ABL1: variants seen among roughly 807,000 people sequenced by gnomAD.
ABL1 encodes tyrosine-protein kinase ABL1.
ABL1 carries 11 observed loss-of-function variants against 94.7 expected under a neutral mutation model. That is an observed-to-expected ratio of 0.12 (90% CI 0.07 to 0.19). ABL1 has a LOEUF of 0.19. ABL1 is among the 10% of genes least tolerant of loss of function. ABL1 has a pLI of 1.00. For synonymous variants in ABL1, 656 were observed against 622.4 expected, an observed-to-expected ratio of 1.05 and a Z score of -0.80; for missense variants, 1,082 against 1,489.4, an observed-to-expected ratio of 0.73 and a Z score of 4.50.
intron 1 of ABL1, among the ~76,000 whole-genome samples, chr9:130,821,840 ATTTTTTT>A (rs71389365): frequency 8.2e-5 from 9 of 109,964 alleles, no homozygotes; most frequent in African/African-American, 3.0e-4. Context: ...TATTATTATT[ATTTTTTT>A]TTTTTTTTTT....
At chr9:130,834,049 G>A (rs1379062226), upstream of ABL1, 2 of 456,126 alleles carry the variant, frequency 4.4e-6, no homozygotes, top group Admixed American at 4.7e-5. Flanking sequence ...CCTGGGTTGA[G>A]TCCATCTCCG....
At chr9:130,744,054 T>A (rs1454468306) in intron 1 of ABL1, among the ~76,000 whole-genome samples, 1 of 152,140 alleles carries the variant, frequency 6.6e-6, no homozygotes, top group Non-Finnish European at 1.5e-5. Flanking sequence ...ATTTTAGTAC[T>A]GGTAACATTT....
chr9:130,830,249 C>T (rs1830478524), intron 1 of ABL1, among the ~76,000 whole-genome samples: 1 of 152,162 alleles, frequency 6.6e-6, no homozygotes, highest in African/African-American at 2.4e-5. Context: ...TTCTAGAAAG[C>T]GGATTTACTC....
intron 1 of ABL1, among the ~76,000 whole-genome samples, chr9:130,843,391 A>G (rs1009851848): frequency 6.6e-6 from 1 of 152,186 alleles, no homozygotes; most frequent in African/African-American, 2.4e-5. Context: ...GGATTCATTG[A>G]GCCCTCCCGA....
chr9:130,856,879 G>C (rs936127274), intron 3 of ABL1, among the ~76,000 whole-genome samples: 38 of 152,184 alleles, frequency 2.5e-4, no homozygotes, highest in African/African-American at 9.2e-4. Context: ...TCCCCTGCTG[G>C]TTGACTTTTA....
At chr9:130,766,246 T>A (rs1208915569) in intron 1 of ABL1, among the ~76,000 whole-genome samples, 1 of 152,216 alleles carries the variant, frequency 6.6e-6, no homozygotes, top group Non-Finnish European at 1.5e-5. Flanking sequence ...GGCATGCGGA[T>A]GACTGGAGCC....
chr9:130,769,924 T>C lies in ABL1; in HGVS notation c.136+55469T>C, dbSNP rs530469469. 1.9e-4 allele frequency among the ~76,000 whole-genome samples: 29 copies of C among 152,316 alleles called. No homozygotes were observed. The South Asian group carries it at 5.4e-3, about 28-fold the overall frequency. ...GTTTTGCCTTTTCCAGAATGTCATA[T>C]CAATGGAATAGTACAGTCTGAAGCC... is the stretch of plus-strand genomic sequence containing the variant. On this transcript the variant is annotated intron_variant, in intron 1 of 10. Transcript: ENST00000372348.
At chr9:130,790,483 T>TTATC (rs1179896620) in intron 1 of ABL1, among the ~76,000 whole-genome samples, 2 of 151,558 alleles carry the variant, frequency 1.3e-5, no homozygotes, top group Non-Finnish European at 2.9e-5. Context: ...ATTTATTTAT[T>TTATC]TATTTATTTA....
intron 1 of ABL1, among the ~76,000 whole-genome samples, chr9:130,845,694 G>T (rs910436787): frequency 7.9e-5 from 12 of 152,054 alleles, no homozygotes; most frequent in Non-Finnish European, 1.8e-4. Flanking sequence ...TTTAATGTGC[G>T]AATAAAGAGA....
At chr9:130,778,497 T>A (rs1307413945) in intron 1 of ABL1, among the ~76,000 whole-genome samples, 3 of 152,176 alleles carry the variant, frequency 2.0e-5, no homozygotes, top group Admixed American at 6.5e-5. Context: ...CCGCTTCATA[T>A]ACAGACGTAT....
chr9:130,884,309 C>G lies in ABL1; in HGVS notation c.2019C>G (p.Leu673=), dbSNP rs2133035513. The G allele has an allele frequency of 3.7e-6, 6 of 1,611,056 alleles. No individual in the cohort carries two copies. The highest frequency in any genetic ancestry group is 3.4e-6 in the Non-Finnish European group (4 of 1,178,908). Residue 673 remains leucine, a synonymous_variant, in exon 11 of 11, where the codon CTC becomes CTG. Coordinates refer to ENST00000318560, the MANE Select transcript of ABL1 (RefSeq NM_005157.6). The surrounding 1 kb of genome is among the most constrained non-coding windows in gnomAD (Gnocchi z 5.6). ...GGGCTGGGGTCCCCAATGGAGCCCTCCGGGAGTCCGGGGGCTCAGGCTTCC... is the reference window on the plus strand; with the variant it reads ...GGGCTGGGGTCCCCAATGGAGCCCTGCGGGAGTCCGGGGGCTCAGGCTTCC... The part of the protein sequence containing the change: ...SNGAGVPNGA[L]RESGGSGFRS...
In ABL1 at chr9:130,814,355, C is replaced by CA. The variant is rs1214920631; in HGVS notation, c.137-39708dup. Among the ~76,000 whole-genome samples, 1 of 151,818 alleles carries CA rather than the reference C, an allele frequency of 6.6e-6. No individual in the cohort carries two copies. Among genetic ancestry groups the CA allele is most frequent in the Non-Finnish European group, 1.5e-5 (1 of 67,960 alleles). ...AAATCAATGAAACAGAAAACCAGTA[C>CA]AGAAATCATGAAACCAAAAGCTAGT... On this transcript the variant is annotated intron_variant, in intron 1 of 10. Transcript: ENST00000372348. This position sits in a 1 kb window ranked among gnomAD's most constrained non-coding sequence, Gnocchi z 4.4.
rs1239238752 is a variant in ABL1 at position 130,886,196 on chromosome 9, G to A, written c.*513G>A. 1.7e-5 allele frequency: 4 copies of A among 239,354 alleles called. No homozygotes were observed. Among genetic ancestry groups the A allele is most frequent in the East Asian group, 1.2e-4 (2 of 16,696 alleles). 14.8% of individuals were successfully genotyped at this position (239,354 alleles called of 1,614,324 possible). A position where few individuals can be genotyped will look rare whatever the true frequency, so the allele number is the denominator to read the frequency against. ...GTGCTGAAGACATGTTTCAAGAACC[G>A]CATTTCGGGAAGGGCATGCACGGGC... On this transcript the variant is annotated 3_prime_UTR_variant, in exon 11 of 11. Coordinates refer to ENST00000318560, the MANE Select transcript of ABL1 (RefSeq NM_005157.6).
At chr9:130,756,140 A>T (rs1275261402) in intron 1 of ABL1, among the ~76,000 whole-genome samples, 1 of 152,210 alleles carries the variant, frequency 6.6e-6, no homozygotes, top group Non-Finnish European at 1.5e-5. Context: ...AAATGAAAAG[A>T]TCAACAAATC....
chr9:130,885,058 C>G lies in ABL1; in HGVS notation c.2768C>G (p.Ala923Gly), dbSNP rs1336015144. Reference sequence around the variant, plus strand: ...TCGCAGAGCCCGAGCCAGGAGGCGGCCGGGGAGGCAGTCCTGGGCGCAAAG... The same window carrying G: ...TCGCAGAGCCCGAGCCAGGAGGCGGGCGGGGAGGCAGTCCTGGGCGCAAAG... ...KPSQSPSQEA[A>G]GEAVLGAKTK... The change falls in exon 11 of 11, where the codon GCC becomes GGC. Residue 923 changes from alanine (A) to glycine (G), a missense_variant. Physicochemically the swap from Ala to Gly is moderately conservative, Grantham distance 60. This residue lies in a region of ABL1 where 780 missense variants were observed against 835.8 expected (regional missense o/e 0.93). Transcript: ENST00000318560. 3.4e-5 allele frequency: 54 copies of G among 1,609,556 alleles called. No individual in the cohort carries two copies. Among genetic ancestry groups the G allele is most frequent in the Non-Finnish European group, 4.3e-5 (51 of 1,178,098 alleles).
rs1333545812 is a variant in ABL1, at chr9:130,855,139, G to A, written c.549+43G>A. The A allele has an allele frequency of 3.9e-6, 6 of 1,554,180 alleles. No individual in the cohort carries two copies. The Admixed American group carries it at 1.2e-4, about 30-fold the overall frequency. On this transcript the variant is annotated intron_variant, in intron 3 of 10. Transcript: ENST00000318560. ...GGGGGCGCTGATGGGCCCAGGGCAG[G>A]GGAACCAGAGGTCCTGCTGTCGGAT... is the stretch of plus-strand genomic sequence containing the variant.
chr9:130,854,489 G>A (rs919918030), intron 2 of ABL1, among the ~76,000 whole-genome samples: 6 of 152,008 alleles, frequency 3.9e-5, no homozygotes, highest in Non-Finnish European at 7.4e-5. Context: ...AATACTGAAC[G>A]CAATTTTTCC....
chr9:130,827,065 A>G (rs902988419), intron 1 of ABL1, among the ~76,000 whole-genome samples: 2 of 152,094 alleles, frequency 1.3e-5, no homozygotes, highest in Non-Finnish European at 2.9e-5. Flanking sequence ...GCAACAGAGC[A>G]AGACTCCGCC....
rs758561469 is a variant in ABL1 at position 130,863,041 on chromosome 9, C to T, written c.822+6C>T. The T allele has an allele frequency of 1.9e-6, 3 of 1,588,930 alleles. No homozygotes were observed. In the African/African-American group the frequency reaches 4.0e-5, roughly 21 times the overall value. ...TGGCCGTGAAGACCTTGAAGGTAGG[C>T]TGGGACTGCCGGGGGTGCCCAGGGT... On this transcript the variant is annotated splice_donor_region_variant and intron_variant, in intron 4 of 10. Transcript: ENST00000318560. The surrounding 1 kb of genome is among the most constrained non-coding windows in gnomAD (Gnocchi z 4.3).
Sources: allele counts gnomAD v4.1 joint callset (sites outside exome capture counted in the v4.1 genomes callset), GRCh38; gene constraint gnomAD v4.1.1; regional missense constraint gnomAD v4.1.1; non-coding constraint Gnocchi (gnomAD v3.1); transcripts MANE v1.5; gene names NCBI Gene and HGNC (gene_info 2026-07-23, HGNC 2026-07-21).